The following DNAH11 variants were observed in gnomAD, a reference collection of about 807,000 sequenced individuals.
DNAH11 encodes dynein axonemal heavy chain 11.
In DNAH11, 442 loss-of-function variants were observed where a neutral mutation model predicts 526.0. That is an observed-to-expected ratio of 0.84 (90% CI 0.78 to 0.91). DNAH11 has a LOEUF of 0.91. Ranked by LOEUF, DNAH11 falls within the 40% of genes least tolerant of loss-of-function variation. The pLI, the probability that DNAH11 is intolerant of heterozygous loss-of-function variation, is 0.00. For synonymous variants in DNAH11, 2,461 were observed against 1,935.9 expected, an observed-to-expected ratio of 1.27 and a Z score of -7.12; for missense variants, 6,989 against 5,448.7, an observed-to-expected ratio of 1.28 and a Z score of -8.90.
At chr7:21,699,027 G>C (rs920473529) in intron 36 of DNAH11, among the ~76,000 whole-genome samples, 4 of 151,994 alleles carry the variant, frequency 2.6e-5, no homozygotes, top group African/African-American at 9.7e-5. Flanking sequence ...TCAACGAGCT[G>C]TGTGATTTTC....
At chr7:21,727,579 G>A (rs1435034818) in intron 45 of DNAH11, among the ~76,000 whole-genome samples, 1 of 152,080 alleles carries the variant, frequency 6.6e-6, no homozygotes, top group Non-Finnish European at 1.5e-5. Flanking sequence ...GGTATTCTTT[G>A]ATCATCGTAT....
chr7:21,649,147 A>G (rs979816415), intron 28 of DNAH11, among the ~76,000 whole-genome samples: 2 of 152,248 alleles, frequency 1.3e-5, no homozygotes, highest in African/African-American at 4.8e-5. Flanking sequence ...TCACTAAACA[A>G]TGGAAAGGAT....
At chr7:21,547,882 G>C (rs900397171) in intron 2 of DNAH11, among the ~76,000 whole-genome samples, 1 of 152,048 alleles carries the variant, frequency 6.6e-6, no homozygotes, top group African/African-American at 2.4e-5. Context: ...TTTCCTTATA[G>C]GAGAGCAACT....
intron 20 of DNAH11, among the ~76,000 whole-genome samples, chr7:21,611,529 T>C (rs1291697554): frequency 6.6e-6 from 1 of 152,132 alleles, no homozygotes; most frequent in Non-Finnish European, 1.5e-5. Flanking sequence ...CCGTGACTAA[T>C]ACACTGGTCA....
At chr7:21,592,368 A>C (rs916051661) in intron 14 of DNAH11, among the ~76,000 whole-genome samples, 2 of 152,222 alleles carry the variant, frequency 1.3e-5, no homozygotes, top group African/African-American at 4.8e-5. Context: ...GGAGAAGAAC[A>C]TTCTGGAGAG....
At chr7:21,842,458 T>C in intron 65 of DNAH11, 86 bp from the exon 66 acceptor site, 1 of 1,165,934 alleles carries the variant, frequency 8.6e-7, no homozygotes, top group Non-Finnish European at 1.2e-6. Context: ...CAAGGTCCAT[T>C]ATAAGAATAC....
In DNAH11 at chr7:21,866,421, G is replaced by C. The variant is rs749179769; in HGVS notation, c.11497-49G>C. ...CATTCACAAGTCTTCTTCTCAAACT[G>C]TAAAGTATCGTTCACACCATTCCTA... On this transcript the variant is annotated intron_variant, in intron 70 of 81. Coordinates refer to ENST00000409508, the MANE Select transcript of DNAH11 (RefSeq NM_001277115.2). The C allele has an allele frequency of 5.2e-6, 8 of 1,531,354 alleles. No individual in the cohort carries two copies. In the Admixed American group the frequency reaches 1.6e-4, roughly 31 times the overall value. The allele number at this position is 1,531,354 out of a possible 1,614,324, so 94.9% of individuals were successfully genotyped here.
At chr7:21,622,219 A>G (rs1261070311) in intron 25 of DNAH11, among the ~76,000 whole-genome samples, 1 of 152,206 alleles carries the variant, frequency 6.6e-6, no homozygotes, top group African/African-American at 2.4e-5. Context: ...CCCATTCACA[A>G]TTGCTTCAAA....
At chr7:21,900,299 A>C (rs576164588) in intron 81 of DNAH11, among the ~76,000 whole-genome samples, 179 bp downstream of exon 81, 1 of 122,158 alleles carries the variant, frequency 8.2e-6, no homozygotes, top group Admixed American at 8.0e-5. Flanking sequence ...ACTGTGAACC[A>C]AACTGTAATA....
intron 28 of DNAH11, among the ~76,000 whole-genome samples, chr7:21,639,581 A>C (rs1787027234): frequency 6.6e-6 from 1 of 152,230 alleles, no homozygotes; most frequent in Non-Finnish European, 1.5e-5. Flanking sequence ...AAAATAATGC[A>C]TCACCTTTTT....
chr7:21,628,037 T>C (rs887084813), intron 25 of DNAH11, among the ~76,000 whole-genome samples: 1 of 152,186 alleles, frequency 6.6e-6, no homozygotes, highest in African/African-American at 2.4e-5. Flanking sequence ...ATAGTTGATA[T>C]TATTTGTAGC....
Position 21,759,899 on chromosome 7 carries a change from T to G in DNAH11, c.8941-5529T>G, listed in dbSNP as rs143986986. 3.2e-3 allele frequency among the ~76,000 whole-genome samples: 487 copies of G among 152,342 alleles called. 3 individuals are homozygous for G. The highest frequency in any genetic ancestry group is 0.011 in the African/African-American group (471 of 41,582). ...AAGAAAAAAAGAATAGAAAATTCTA[T>G]GGTATGAATTCCAAAAGCAAGTTCC... On this transcript the variant is annotated intron_variant, in intron 54 of 81. Transcript: ENST00000409508.
intron 73 of DNAH11, among the ~76,000 whole-genome samples, chr7:21,872,317 G>T (rs942857625): frequency 2.6e-5 from 4 of 151,944 alleles, no homozygotes; most frequent in African/African-American, 9.7e-5. Context: ...GGGAATAAAA[G>T]CCAATAATGT....
intron 42 of DNAH11, among the ~76,000 whole-genome samples, chr7:21,713,846 A>G (rs1784549467): frequency 6.6e-6 from 1 of 152,114 alleles, no homozygotes; most frequent in African/African-American, 2.4e-5. Flanking sequence ...AGTGATTTTC[A>G]AAAGTCTTAA....
At chr7:21,870,765 C>G (rs879528110) in intron 73 of DNAH11, among the ~76,000 whole-genome samples, 5 of 152,190 alleles carry the variant, frequency 3.3e-5, no homozygotes, top group East Asian at 3.8e-4. Context: ...CAAGGATCTA[C>G]TTTTGGATAT....
chr7:21,562,369 TG>T (rs1341951886), intron 5 of DNAH11, among the ~76,000 whole-genome samples: 1 of 152,170 alleles, frequency 6.6e-6, no homozygotes. Context: ...TGAGAATCAC[TG>T]GGTTAAGGAT....
chr7:21,887,993 C>T (rs1177351775), intron 76 of DNAH11, among the ~76,000 whole-genome samples: 1 of 152,074 alleles, frequency 6.6e-6, no homozygotes, highest in East Asian at 1.9e-4. Context: ...AACAATGACT[C>T]GTATTTGTAT....
At chr7:21,829,234 A>AC (rs1790444649) in intron 65 of DNAH11, among the ~76,000 whole-genome samples, 2 of 124,588 alleles carry the variant, frequency 1.6e-5, no homozygotes, top group South Asian at 3.0e-4. Context: ...GTTTCCCCCC[A>AC]CCCCCCGCCA....
chr7:21,721,595 C>T (rs187881537), intron 44 of DNAH11, among the ~76,000 whole-genome samples: 8 of 152,240 alleles, frequency 5.3e-5, no homozygotes, highest in African/African-American at 1.9e-4. Flanking sequence ...CCGCTGTGTC[C>T]CCATGTGACA....
Sources: allele counts gnomAD v4.1 joint callset (sites outside exome capture counted in the v4.1 genomes callset), GRCh38; gene constraint gnomAD v4.1.1; transcripts MANE v1.5; gene names NCBI Gene and HGNC (gene_info 2026-07-23, HGNC 2026-07-21).